ADAM22: variants seen among roughly 807,000 people sequenced by gnomAD.
ADAM22 encodes disintegrin and metalloproteinase domain-containing protein 22.
A neutral mutation model predicts 144.6 loss-of-function variants in ADAM22; 65 were observed. That is an observed-to-expected ratio of 0.45 (90% CI 0.37 to 0.55). ADAM22 has a LOEUF of 0.55. Ranked by LOEUF, ADAM22 falls within the 20% of genes least tolerant of loss-of-function variation. The pLI is 0.00. For synonymous variants in ADAM22, 391 were observed against 412.6 expected (o/e 0.95, Z 0.63); for missense variants, 974 against 1,184.9 (o/e 0.82, Z 2.61).
intron 6 of ADAM22, among the ~76,000 whole-genome samples, chr7:88,116,464 G>A (rs992348903): frequency 6.6e-6 from 1 of 152,148 alleles, no homozygotes; most frequent in African/African-American, 2.4e-5. Flanking sequence ...TTTGCCAAAT[G>A]TCTTATTTGT....
intron 3 of ADAM22, among the ~76,000 whole-genome samples, chr7:88,023,554 G>A (rs1798296953): frequency 6.6e-6 from 1 of 151,990 alleles, no homozygotes; most frequent in Non-Finnish European, 1.5e-5. Context: ...TGAGTAGCTG[G>A]GATTACAGGC....
rs750140594 is a variant in ADAM22, at chr7:87,935,083, A to G, written c.143A>G (p.Gln48Arg). 1.2e-6 allele frequency: 2 copies of G among 1,614,164 alleles called. No homozygotes were observed. Among genetic ancestry groups the G allele is most frequent in the East Asian group, 2.2e-5 (1 of 44,862 alleles). The change falls in exon 2 of 32, where the codon CAG (glutamine) becomes CGG (arginine). Residue 48 changes from glutamine (Q) to arginine (R), a missense_variant. Physicochemically the swap from Gln to Arg is conservative, Grantham distance 43. This residue lies in a region of ADAM22 where 240 missense variants were observed against 234.3 expected (regional missense o/e 1.02). Coordinates refer to ENST00000413139, the MANE Select transcript of ADAM22 (RefSeq NM_001324418.2). ...AAGGAAAACCGCTTCGTGGAGCGCCAGAGCATCGTGCCACTGCGCCTCATC... is the reference window on the plus strand; with the variant it reads ...AAGGAAAACCGCTTCGTGGAGCGCCGGAGCATCGTGCCACTGCGCCTCATC... ...KRKENRFVER[Q>R]SIVPLRLIYR... is the part of the protein sequence containing the mutation.
intron 25 of ADAM22, among the ~76,000 whole-genome samples, chr7:88,169,156 A>G (rs1843638234): frequency 6.6e-6 from 1 of 152,134 alleles, no homozygotes. Context: ...TGTGAGGTCA[A>G]AACCATCAAA....
At position 87,982,066 on chromosome 7, in the gene ADAM22, T is replaced by TACACACAC. The variant is rs376989136; in HGVS notation, c.323+3655_323+3656insCACACACA. On this transcript the variant is annotated intron_variant, in intron 3 of 31. Coordinates refer to ENST00000413139, the MANE Select transcript of ADAM22 (RefSeq NM_001324418.2). ...TTTCATATATATATATATATATATA[T>TACACACAC]ATACACACACACACACACACACACA... 5.1e-4 allele frequency among the ~76,000 whole-genome samples: 44 copies of TACACACAC among 86,456 alleles called. No individual in the cohort carries two copies. In the East Asian group the frequency reaches 5.1e-3, roughly 10 times the overall value. The allele number at this position is 86,456 out of a possible 152,430, so 56.7% of individuals were successfully genotyped here.
rs1586162868 is a variant in ADAM22 at position 88,145,120 on chromosome 7, C to T, written c.1321-5C>T. ...TTTTAGTTCACTTTTTGGTTTTCCT[C>T]ACAGCTTCTTGATCCTCCTGAGTGT... On this transcript the variant is annotated splice_region_variant and splice_polypyrimidine_tract_variant and intron_variant, in intron 15 of 31. Transcript: ENST00000413139. The T allele has an allele frequency of 1.2e-6, 2 of 1,611,528 alleles. No individual in the cohort carries two copies. Among genetic ancestry groups the T allele is most frequent in the Admixed American group, 1.7e-5 (1 of 59,366 alleles).
At chr7:87,985,769 A>G (rs1350550389) in intron 3 of ADAM22, among the ~76,000 whole-genome samples, 1 of 152,168 alleles carries the variant, frequency 6.6e-6, no homozygotes, top group African/African-American at 2.4e-5. Context: ...TACTATGAAC[A>G]ATCTGTCTGT....
chr7:88,025,622 C>G (rs1798836646), intron 3 of ADAM22, among the ~76,000 whole-genome samples: 1 of 152,104 alleles, frequency 6.6e-6, no homozygotes. Flanking sequence ...ATTGAAGAAA[C>G]TATCTTTTCC....
At chr7:88,016,896 T>C (rs539028638) in intron 3 of ADAM22, among the ~76,000 whole-genome samples, 19 of 152,314 alleles carry the variant, frequency 1.2e-4, no homozygotes, top group African/African-American at 4.3e-4. Context: ...GGCAGGAGTA[T>C]TGTTTGAAGC....
rs1585453031 is a variant in ADAM22, at chr7:88,074,562, T to C, written c.324-1064T>C. On this transcript the variant is annotated intron_variant, in intron 3 of 31. Coordinates refer to ENST00000413139, the MANE Select transcript of ADAM22 (RefSeq NM_001324418.2). The stretch of plus-strand genomic sequence containing the variant: ...TCCTGATTGTTTAATATACTTTTTG[T>C]TGTGTTTTCTACAGCTTGCAGCTGA... 2.0e-5 allele frequency among the ~76,000 whole-genome samples: 3 copies of C among 152,352 alleles called. No homozygotes were observed. In the East Asian group the frequency reaches 5.8e-4, roughly 29 times the overall value.
In ADAM22 at chr7:88,092,748, C is replaced by T. The variant is rs150537454; in HGVS notation, c.391-15428C>T. ...TATAATGCATCAACTGCCTTAATGG[C>T]ATTGTTAAGATTGCAAGTGGTCTTA... On this transcript the variant is annotated intron_variant, in intron 4 of 31. Transcript: ENST00000413139. Among the ~76,000 whole-genome samples the T allele has an allele frequency of 3.3e-5, 5 of 152,308 alleles. No homozygotes were observed. The East Asian group carries it at 9.6e-4, about 29-fold the overall frequency.
intron 4 of ADAM22, among the ~76,000 whole-genome samples, chr7:88,082,917 G>C (rs565436426): frequency 1.2e-4 from 18 of 152,148 alleles, no homozygotes; most frequent in Non-Finnish European, 2.4e-4. Flanking sequence ...AACCATTGTG[G>C]AAGTCAGTGT....
intron 3 of ADAM22, among the ~76,000 whole-genome samples, chr7:87,980,893 A>G (rs1022168630): frequency 2.6e-5 from 4 of 152,158 alleles, no homozygotes; most frequent in Admixed American, 6.6e-5. Flanking sequence ...AAAATGAAAC[A>G]TATGGCCTGG....
At chr7:88,194,737 G>C (rs927734404) in intron 31 of ADAM22, among the ~76,000 whole-genome samples, 1 of 152,148 alleles carries the variant, frequency 6.6e-6, no homozygotes, top group Non-Finnish European at 1.5e-5. Flanking sequence ...TCTGAGGCCA[G>C]AGTCTAATCC....
At chr7:88,145,594 G>T in intron 17 of ADAM22, 87 bp downstream of exon 17, 1 of 1,061,272 alleles carries the variant, frequency 9.4e-7, no homozygotes, top group Non-Finnish European at 1.4e-6. Flanking sequence ...TCTAATAACA[G>T]AAATAGTATC....
At chr7:88,189,253 A>G (rs538728629) in intron 30 of ADAM22, among the ~76,000 whole-genome samples, 1 of 152,264 alleles carries the variant, frequency 6.6e-6, no homozygotes, top group African/African-American at 2.4e-5. Flanking sequence ...CAGATCCTGG[A>G]TGCAGTTCTG....
intron 7 of ADAM22, among the ~76,000 whole-genome samples, chr7:88,119,380 C>T (rs1482101188): frequency 1.3e-5 from 2 of 152,184 alleles, no homozygotes; most frequent in African/African-American, 4.8e-5. Context: ...GAATCATGTA[C>T]TATGTGCAGC....
At chr7:88,079,551 C>G (rs1815834285) in intron 4 of ADAM22, among the ~76,000 whole-genome samples, 1 of 152,134 alleles carries the variant, frequency 6.6e-6, no homozygotes, top group Non-Finnish European at 1.5e-5. Context: ...CACAGACTGG[C>G]AAATTGGATA....
intron 3 of ADAM22, among the ~76,000 whole-genome samples, chr7:88,070,165 T>C (rs1812347700): frequency 6.6e-6 from 1 of 152,186 alleles, no homozygotes; most frequent in South Asian, 2.1e-4. Flanking sequence ...CATTGGCATT[T>C]ACCCCATTAG....
chr7:88,168,946 T>C (rs1164224807), intron 25 of ADAM22, among the ~76,000 whole-genome samples: 1 of 152,102 alleles, frequency 6.6e-6, no homozygotes, highest in Non-Finnish European at 1.5e-5. Flanking sequence ...TTTTGGGAAT[T>C]AGAATCAAAA....
Sources: gnomAD v4.1 joint callset for allele counts (sites outside exome capture counted in the v4.1 genomes callset) on GRCh38, gnomAD v4.1.1 for gene constraint, gnomAD v4.1.1 regional missense constraint, MANE v1.5 for transcripts, NCBI Gene and HGNC (gene_info 2026-07-23, HGNC 2026-07-21) for gene names.